CEP72: variants seen among roughly 807,000 people sequenced by gnomAD.
The protein encoded by CEP72 is centrosomal protein of 72 kDa.
In CEP72, 78 loss-of-function variants were observed where a neutral mutation model predicts 65.7. That is an observed-to-expected ratio of 1.19 (90% CI 0.99 to 1.43). CEP72 has a LOEUF of 1.43. Ranked by LOEUF, CEP72 falls within the 40% of genes most tolerant of loss-of-function variation. CEP72 has a pLI of 0.00. For synonymous variants in CEP72, 358 were observed against 351.7 expected, an observed-to-expected ratio of 1.02 and a Z score of -0.20; for missense variants, 914 against 832.9, an observed-to-expected ratio of 1.10 and a Z score of -1.20.
At chr5:660,739 T>C (rs961438662), downstream of CEP72, 2 of 152,362 alleles carry the variant, frequency 1.3e-5, no homozygotes, top group African/African-American at 2.4e-5. Flanking sequence ...ACAGGCCCTG[T>C]GCCAACAAAA....
intron 9 of CEP72, chr5:643,331 G>A (rs1242455636): frequency 4.1e-6 from 4 of 985,362 alleles, no homozygotes; most frequent in East Asian, 1.1e-4. Context: ...AGCCCCGCGC[G>A]GAGGGCAGGT....
Position 645,635 on chromosome 5 carries a change from C to A in CEP72, c.1666+1210C>A, listed in dbSNP as rs1652894850. Among the ~76,000 whole-genome samples, 1 of 152,176 alleles carries A rather than the reference C, an allele frequency of 6.6e-6. No individual in the cohort carries two copies. Among genetic ancestry groups the A allele is most frequent in the Admixed American group, 6.5e-5 (1 of 15,284 alleles). ...TCGAGTGAGTGCAGGCACCAGCCGC[C>A]CTGCTGTGCGATGGCATCTGATCAG... On this transcript the variant is annotated intron_variant, in intron 10 of 11. Transcript: ENST00000264935. The surrounding 1 kb of genome is among the most constrained non-coding windows in gnomAD (Gnocchi z 4.0).
At chr5:670,081 C>T (rs902870949), downstream of CEP72, among the ~76,000 whole-genome samples, 1 of 81,230 alleles carries the variant, frequency 1.2e-5, no homozygotes, top group Non-Finnish European at 3.6e-5. Flanking sequence ...GGCTCTGAGT[C>T]CCCTGGCCTC....
chr5:673,163 TC>T, the CEP72 span, among the ~76,000 whole-genome samples: 1 of 151,952 alleles, frequency 6.6e-6, no homozygotes, highest in Non-Finnish European at 1.5e-5. Flanking sequence ...CAAAAGCAAC[TC>T]CCACAGGCCC....
chr5:635,133 A>G (rs997857215), intron 5 of CEP72, among the ~76,000 whole-genome samples: 2 of 152,106 alleles, frequency 1.3e-5, no homozygotes, highest in Non-Finnish European at 2.9e-5. Context: ...GCTCCACTTC[A>G]TGCGGCTGGA....
chr5:637,867 TGTG>T, intron 7 of CEP72, 49 bp downstream of exon 7: 1 of 1,452,238 alleles, frequency 6.9e-7, no homozygotes, highest in Non-Finnish European at 9.2e-7. Flanking sequence ...GCCTCCCTAA[TGTG>T]GGGCTGTTAC....
downstream of CEP72, among the ~76,000 whole-genome samples, chr5:668,555 A>G (rs1373037634): frequency 6.6e-6 from 1 of 152,096 alleles, no homozygotes; most frequent in Non-Finnish European, 1.5e-5. Context: ...AATCAAATAA[A>G]CTGCCGGCAC....
At position 639,098 on chromosome 5, in the gene CEP72, G is replaced by A. The variant is rs373103257; in HGVS notation, c.1216G>A (p.Gly406Arg). ...GTTGTTTCCATCACAGCCGTCTCCC[G>A]GGTCACACTCGGCTCTACCCGGGAA... ...GVTDTREPSPGSHSALPGKKT... is the reference protein window; with the variant it reads ...GVTDTREPSPRSHSALPGKKT... The change falls in exon 8 of 12, where the codon GGG (glycine) becomes AGG (arginine). Residue 406 changes from glycine to arginine, a missense_variant. Transcript: ENST00000264935. The A allele has an allele frequency of 3.8e-5, 62 of 1,613,256 alleles. No homozygotes were observed. The highest frequency in any genetic ancestry group is 1.5e-4 in the African/African-American group (11 of 74,936).
rs1184208786 is a variant in CEP72, at chr5:620,063, T to G, written c.211-6T>G. 6.3e-7 allele frequency: 1 copy of G among 1,594,790 alleles called. No homozygotes were observed. ...TGAATGAATTCACTGTGTTTTCTGT[T>G]GACAGGGCATTCAGTACCTGACTGC... On this transcript the variant is annotated splice_region_variant and splice_polypyrimidine_tract_variant and intron_variant, in intron 2 of 11. Coordinates refer to ENST00000264935, the MANE Select transcript of CEP72 (RefSeq NM_018140.4).
intron 4 of CEP72, among the ~76,000 whole-genome samples, chr5:625,832 G>A (rs760684208): frequency 2.6e-5 from 4 of 152,114 alleles, no homozygotes; most frequent in African/African-American, 7.2e-5. Flanking sequence ...CTCACAGGCC[G>A]TCTTCCCCTG....
chr5:658,990 C>T (rs1739474695), downstream of CEP72, among the ~76,000 whole-genome samples: 1 of 152,194 alleles, frequency 6.6e-6, no homozygotes, highest in East Asian at 1.9e-4. Flanking sequence ...ATTGATCCAC[C>T]ATCTCATTAG....
At chr5:648,884 T>TG (rs1209958633) in intron 11 of CEP72, among the ~76,000 whole-genome samples, 8 of 95,716 alleles carry the variant, frequency 8.4e-5, no homozygotes, top group Admixed American at 1.1e-4. Context: ...CTGTGAGGTG[T>TG]GACTGTGAGG....
intron 4 of CEP72, among the ~76,000 whole-genome samples, chr5:628,911 AC>A (rs1737008543): frequency 8.7e-6 from 1 of 115,290 alleles, no homozygotes; most frequent in African/African-American, 4.2e-5. Context: ...TGGCCCCAGG[AC>A]CCAGCCCCCT....
intron 3 of CEP72, among the ~76,000 whole-genome samples, chr5:622,860 C>G (rs902162379): frequency 1.3e-5 from 2 of 152,212 alleles, no homozygotes; most frequent in African/African-American, 4.8e-5. Flanking sequence ...TTTATTTGGC[C>G]AATTAACCAA....
the CEP72 span, among the ~76,000 whole-genome samples, chr5:675,042 ACAGTATGGCTGGGGG>A: frequency 3.0e-5 from 1 of 33,652 alleles, no homozygotes. Flanking sequence ...TGAGGGGGGT[ACAGTATGGCTGGGGG>A]TGCAGTGTGG....
chr5:649,837 G>A lies in CEP72; in HGVS notation c.1778+1921G>A, dbSNP rs545523400. Reference sequence around the variant, plus strand: ...CTGTGAGGTGTGGACTGTGAGGCGTGACTGTGAGGCGTGACTGTGAGGCGT... The same window carrying A: ...CTGTGAGGTGTGGACTGTGAGGCGTAACTGTGAGGCGTGACTGTGAGGCGT... On this transcript the variant is annotated intron_variant, in intron 11 of 11. Coordinates refer to ENST00000264935, the MANE Select transcript of CEP72 (RefSeq NM_018140.4). Among the ~76,000 whole-genome samples, 171 of 91,508 alleles carry A rather than the reference G, an allele frequency of 1.9e-3. 1 individual carries two copies. Among genetic ancestry groups the A allele is most frequent in the African/African-American group, 6.1e-3 (167 of 27,410 alleles). The allele number at this position is 91,508 out of a possible 152,430, so 60.0% of individuals were successfully genotyped here. A position where few individuals can be genotyped will look rare whatever the true frequency, so the allele number is the denominator to read the frequency against.
intron 3 of CEP72, among the ~76,000 whole-genome samples, chr5:622,930 T>C (rs1736488296): frequency 6.6e-6 from 1 of 152,256 alleles, no homozygotes; most frequent in South Asian, 2.1e-4. Flanking sequence ...TTCTAGGTAA[T>C]TTTTGGAGTC....
At chr5:673,049 GCTTTC>G in the CEP72 span, among the ~76,000 whole-genome samples, 3 of 152,176 alleles carry the variant, frequency 2.0e-5, no homozygotes, top group Non-Finnish European at 2.9e-5. Flanking sequence ...AGAGTCAGCA[GCTTTC>G]TGCAGTACCG....
At position 639,361 on chromosome 5, in the gene CEP72, G is replaced by C. The variant is rs927877441; in HGVS notation, c.1342+137G>C. The C allele has an allele frequency of 1.3e-4, 124 of 989,022 alleles. No individual in the cohort carries two copies. In the African/African-American group the frequency reaches 1.9e-3, roughly 15 times the overall value. 61.3% of individuals were successfully genotyped at this position (989,022 alleles called of 1,614,324 possible). On this transcript the variant is annotated intron_variant, in intron 8 of 11. Transcript: ENST00000264935. ...CCTCCCACGAGCGTGTGGTGGTCCC[G>C]CGCCTGGGCCCTCCCTGGCAGTCTT...
Sources: gnomAD v4.1 joint callset for allele counts (sites outside exome capture counted in the v4.1 genomes callset) on GRCh38, gnomAD v4.1.1 for gene constraint, Gnocchi (gnomAD v3.1) non-coding constraint, MANE v1.5 for transcripts, NCBI Gene and HGNC (gene_info 2026-07-23, HGNC 2026-07-21) for gene names.